Variants in CYP2S1 observed in about 807,000 individuals in gnomAD.
CYP2S1 encodes the protein cytochrome P450 family 2 subfamily S member 1, also known as cytochrome P450 2S1.
CYP2S1 carries 32 observed loss-of-function variants against 43.5 expected under a neutral mutation model. The ratio of observed to expected loss-of-function variants is 0.74; its 90% CI spans 0.56 to 0.99. The LOEUF (loss-of-function observed/expected upper bound fraction) is 0.99, where lower values mean the gene tolerates loss of function less well. Ranked by LOEUF, CYP2S1 falls within the 50% of genes least tolerant of loss-of-function variation. The probability of loss-of-function intolerance (pLI) is 0.00; values close to 1 mark genes in which losing one functional copy is unlikely to be tolerated. For synonymous variants in CYP2S1, 283 were observed against 302.9 expected (o/e 0.93, Z 0.68); for missense variants, 575 against 673.9 (o/e 0.85, Z 1.62).
At position 41,206,008 on chromosome 19, in the gene CYP2S1, C is replaced by T; in HGVS notation, c.1215C>T (p.Ile405=). 1 of 1,614,120 alleles carries T rather than the reference C, an allele frequency of 6.2e-7. No individual in the cohort carries two copies. Among genetic ancestry groups the T allele is most frequent in the Non-Finnish European group, 8.5e-7 (1 of 1,180,020 alleles). The change falls in exon 8 of 9, where the codon ATC becomes ATT. Residue 405 remains isoleucine (I), a synonymous_variant. Coordinates refer to ENST00000310054, the MANE Select transcript of CYP2S1 (RefSeq NM_030622.8). ...LLGSILHDPN[I]FKHPEEFNPD... ...GCTCCATCCTGCATGACCCCAACAT[C>T]TTCAAGCACCCAGAAGAGTTCAACC...
At position 41,206,811 on chromosome 19, in the gene CYP2S1, G is replaced by A. The variant is rs2056644376; in HGVS notation, c.*323G>A. The A allele has an allele frequency of 3.7e-6, 2 of 533,378 alleles. No individual in the cohort carries two copies. Among genetic ancestry groups the A allele is most frequent in the Non-Finnish European group, 7.2e-6 (2 of 276,932 alleles). The allele number at this position is 533,378 out of a possible 1,614,324, so 33.0% of individuals were successfully genotyped here. Reference sequence around the variant, plus strand: ...ACTCCCCTGGATCTGCAGCCCACACGTGGGAGTCTGGCTGTCACCTTCACA... The same window carrying A: ...ACTCCCCTGGATCTGCAGCCCACACATGGGAGTCTGGCTGTCACCTTCACA... On this transcript the variant is annotated 3_prime_UTR_variant, in exon 9 of 9. Coordinates refer to ENST00000310054, the MANE Select transcript of CYP2S1 (RefSeq NM_030622.8).
chr19:41,199,355 A>G (rs338591), intron 5 of CYP2S1, among the ~76,000 whole-genome samples: 39,849 of 151,956 alleles, frequency 0.26, 7,149 homozygotes, highest in African/African-American at 0.51. Context: ...TTAATTATAT[A>G]AGAACAATAT....
intron 7 of CYP2S1, among the ~76,000 whole-genome samples, chr19:41,205,358 CTTTCTTTCTTTCTT>C (rs1329844938): frequency 1.6e-4 from 16 of 99,422 alleles, no homozygotes; most frequent in African/African-American, 8.8e-4. Flanking sequence ...TTCTTTCTTT[CTTTCTTTCTTTCTT>C]TCTTTCTTTC....
intron 1 of CYP2S1, 68 bp downstream of exon 1, chr19:41,193,509 GGT>G: frequency 7.2e-7 from 1 of 1,387,234 alleles, no homozygotes; most frequent in Non-Finnish European, 9.4e-7. Context: ...CGAGTGCCAG[GGT>G]GAGGGGCTTT....
chr19:41,196,330 A>T (rs338597), intron 2 of CYP2S1, among the ~76,000 whole-genome samples: 55,036 of 151,992 alleles, frequency 0.36, 10,726 homozygotes, highest in African/African-American at 0.5. Context: ...ATCCCTGGTC[A>T]TGCAGGGCCT....
intron 7 of CYP2S1, among the ~76,000 whole-genome samples, chr19:41,204,883 A>T (rs746029617): frequency 4.9e-4 from 74 of 152,234 alleles, no homozygotes; most frequent in Non-Finnish European, 9.1e-4. Flanking sequence ...GGCGTGAGCC[A>T]CTGCACCTGG....
chr19:41,195,950 C>T (rs2033407692), intron 2 of CYP2S1, among the ~76,000 whole-genome samples: 1 of 151,950 alleles, frequency 6.6e-6, no homozygotes, highest in South Asian at 2.1e-4. Context: ...ATAGAAATGA[C>T]TCAGGCAGAT....
rs1246434264 is a variant in CYP2S1 at position 41,206,352 on chromosome 19, C to A, written c.1379C>A (p.Ala460Asp). The A allele has an allele frequency of 6.2e-7, 1 of 1,614,158 alleles. No individual in the cohort carries two copies. Reference protein sequence around the residue: ...LFLFFTTILQAFSLESPCPPD... With the variant: ...LFLFFTTILQDFSLESPCPPD... Reference sequence around the variant, plus strand: ...CTCTTCTTCACCACCATCCTACAAGCCTTCTCCCTGGAGAGCCCGTGCCCG... The same window carrying A: ...CTCTTCTTCACCACCATCCTACAAGACTTCTCCCTGGAGAGCCCGTGCCCG... Residue 460 changes from alanine (A) to aspartate (D), a missense_variant, in exon 9 of 9, where the codon GCC becomes GAC. By Grantham distance (126) the Ala-to-Asp change is moderately radical (BLOSUM62 -2). Coordinates refer to ENST00000310054, the MANE Select transcript of CYP2S1 (RefSeq NM_030622.8).
rs2033435855 is a variant in CYP2S1, at chr19:41,197,936, T to C, written c.493+8T>C. The C allele has an allele frequency of 1.2e-6, 2 of 1,607,624 alleles. No homozygotes were observed. The highest frequency in any genetic ancestry group is 1.7e-6 in the Non-Finnish European group (2 of 1,177,518). ...CATTCCAGGGGACAGAAGGTCAGCATGGCGGGGTCACCCCAGGGTCTCCAG... is the reference window on the plus strand; with the variant it reads ...CATTCCAGGGGACAGAAGGTCAGCACGGCGGGGTCACCCCAGGGTCTCCAG... On this transcript the variant is annotated splice_region_variant and intron_variant, in intron 3 of 8. Coordinates refer to ENST00000310054, the MANE Select transcript of CYP2S1 (RefSeq NM_030622.8).
Position 41,203,437 on chromosome 19 carries a change from CTCTTG to C in CYP2S1, c.977-12_977-8del. Reference sequence around the variant, plus strand: ...CTACCCCCGTCTGACTCCTGCCCTCCTCTTGCTTGCAGAGTGGGTACGTGAGGAGC... The same window carrying C: ...CTACCCCCGTCTGACTCCTGCCCTCCCTTGCAGAGTGGGTACGTGAGGAGC... On this transcript the variant is annotated splice_region_variant and splice_polypyrimidine_tract_variant and intron_variant, in intron 6 of 8. Transcript: ENST00000310054. 1.3e-6 allele frequency: 2 copies of C among 1,585,490 alleles called. No homozygotes were observed. Among genetic ancestry groups the C allele is most frequent in the Non-Finnish European group, 1.7e-6 (2 of 1,164,648 alleles).
intron 7 of CYP2S1, 41 bp downstream of exon 7, chr19:41,203,678 G>T: frequency 1.4e-6 from 2 of 1,471,486 alleles, no homozygotes; most frequent in Non-Finnish European, 9.1e-7. Flanking sequence ...TCTCTGCCTC[G>T]GGGCCTGAGC....
At chr19:41,194,362 C>T (rs1201845513) in intron 1 of CYP2S1, among the ~76,000 whole-genome samples, 182 bp from the exon 2 acceptor site, 1 of 152,012 alleles carries the variant, frequency 6.6e-6, no homozygotes, top group Non-Finnish European at 1.5e-5. Context: ...GGGGAGGAGG[C>T]CCGGGAGCCT....
At chr19:41,194,358 G>A (rs2033382095) in intron 1 of CYP2S1, among the ~76,000 whole-genome samples, 186 bp from the exon 2 acceptor site, 1 of 152,066 alleles carries the variant, frequency 6.6e-6, no homozygotes, top group Non-Finnish European at 1.5e-5. Context: ...ACTGGGGGAG[G>A]AGGCCCGGGA....
chr19:41,203,835 C>A (rs1475266090), intron 7 of CYP2S1, among the ~76,000 whole-genome samples, 198 bp downstream of exon 7: 1 of 151,296 alleles, frequency 6.6e-6, no homozygotes, highest in Non-Finnish European at 1.5e-5. Flanking sequence ...CTCCTTCTTT[C>A]TCTGACACCC....
chr19:41,194,237 TAAGGAATTA>T (rs2033380468), intron 1 of CYP2S1, among the ~76,000 whole-genome samples: 1 of 151,948 alleles, frequency 6.6e-6, no homozygotes, highest in African/African-American at 2.4e-5. Context: ...GGGAGGGCCC[TAAGGAATTA>T]AGGGAGACCC....
At chr19:41,203,764 T>G in intron 7 of CYP2S1, 127 bp downstream of exon 7, 1 of 986,486 alleles carries the variant, frequency 1.0e-6, no homozygotes, top group Non-Finnish European at 1.4e-6. Flanking sequence ...TCTGTCTTTA[T>G]CTCCCTCTCT....
chr19:41,204,213 T>TC (rs1382551825), intron 7 of CYP2S1, among the ~76,000 whole-genome samples: 1 of 152,112 alleles, frequency 6.6e-6, no homozygotes, highest in African/African-American at 2.4e-5. Context: ...TGTGTTTTCT[T>TC]CCCCTTTGAC....
rs1297536685 is a variant in CYP2S1 at position 41,194,671 on chromosome 19, G to A, written c.305G>A (p.Gly102Glu). The change falls in exon 2 of 9, where the codon GGA (glycine) becomes GAA (glutamate). Residue 102 changes from glycine to glutamate, a missense_variant. Gly to Glu is a moderately conservative substitution (Grantham distance 98). Coordinates refer to ENST00000310054, the MANE Select transcript of CYP2S1 (RefSeq NM_030622.8). ...CAGGCTGAGGAGTTCAGCGGCCGGGGAACCGTAGCGATGCTGGAAGGGACT... is the reference window on the plus strand; with the variant it reads ...CAGGCTGAGGAGTTCAGCGGCCGGGAAACCGTAGCGATGCTGGAAGGGACT... Reference protein sequence around the residue: ...GGQAEEFSGRGTVAMLEGTFD... With the variant: ...GGQAEEFSGRETVAMLEGTFD... The A allele has an allele frequency of 1.2e-6, 2 of 1,612,154 alleles. No individual in the cohort carries two copies. The highest frequency in any genetic ancestry group is 1.7e-6 in the Non-Finnish European group (2 of 1,179,262).
At position 41,197,923 on chromosome 19, in the gene CYP2S1, CAGA is replaced by C. The variant is rs1308456815; in HGVS notation, c.491_493del (p.Glu164del). ...TGTCTGGTGGAGACATTCCAGGGGACAGAAGGTCAGCATGGCGGGGTCACCCCA... is the reference window on the plus strand; with the variant it reads ...TGTCTGGTGGAGACATTCCAGGGGACAGGTCAGCATGGCGGGGTCACCCCA... On this transcript the variant is annotated inframe_deletion and splice_region_variant, in exon 3 of 9. Coordinates refer to ENST00000310054, the MANE Select transcript of CYP2S1 (RefSeq NM_030622.8). 6.2e-7 allele frequency: 1 copy of C among 1,611,868 alleles called. No homozygotes were observed. The highest frequency in any genetic ancestry group is 1.3e-5 in the African/African-American group (1 of 74,994).
Sources: gnomAD v4.1 joint callset for allele counts (sites outside exome capture counted in the v4.1 genomes callset) on GRCh38, gnomAD v4.1.1 for gene constraint, MANE v1.5 for transcripts, NCBI Gene and HGNC (gene_info 2026-07-23, HGNC 2026-07-21) for gene names.